The following DPYD variants were observed in gnomAD, a reference collection of about 807,000 sequenced individuals.
The protein encoded by DPYD is dihydropyrimidine dehydrogenase [NADP(+)].
DPYD carries 109 observed loss-of-function variants against 116.2 expected under a neutral mutation model. That is an observed-to-expected ratio of 0.94 (90% confidence interval 0.80 to 1.10). The LOEUF is 1.10. Ranked by LOEUF, DPYD falls within the 50% of genes least tolerant of loss-of-function variation. DPYD has a pLI of 0.00. For synonymous variants in DPYD, 440 were observed against 432.0 expected (o/e 1.02, Z -0.23); for missense variants, 1,302 against 1,254.5 (o/e 1.04, Z -0.57).
intron 1 of DPYD, among the ~76,000 whole-genome samples, chr1:97,887,354 C>T (rs1672548472): frequency 6.7e-6 from 1 of 150,204 alleles, no homozygotes; most frequent in Non-Finnish European, 1.5e-5. Flanking sequence ...CCTGTGGTCT[C>T]AGCTACTCAG....
chr1:97,331,067 T>C (rs182305326), intron 16 of DPYD, among the ~76,000 whole-genome samples: 29 of 152,316 alleles, frequency 1.9e-4, no homozygotes, highest in Non-Finnish European at 2.8e-4. Flanking sequence ...CAGTTCTATA[T>C]AACACAGTAA....
chr1:97,357,368 G>GTTT (rs202122806), intron 16 of DPYD, among the ~76,000 whole-genome samples: 221 of 139,926 alleles, frequency 1.6e-3, no homozygotes, highest in East Asian at 3.3e-3. Flanking sequence ...TTCTAACAGT[G>GTTT]TTTTTTTTTT....
At chr1:97,382,825 T>C (rs1256324055) in intron 14 of DPYD, among the ~76,000 whole-genome samples, 1 of 152,158 alleles carries the variant, frequency 6.6e-6, no homozygotes, top group Non-Finnish European at 1.5e-5. Context: ...TGTCTAATTA[T>C]ACAATGCCAT....
intron 13 of DPYD, among the ~76,000 whole-genome samples, chr1:97,452,796 G>T (rs1676489785): frequency 1.3e-5 from 2 of 151,950 alleles, no homozygotes; most frequent in African/African-American, 4.8e-5. Context: ...CTTCTGCCTT[G>T]ATTGGAAGCT....
At chr1:97,339,267 C>T (rs1046879129) in intron 16 of DPYD, among the ~76,000 whole-genome samples, 1 of 152,010 alleles carries the variant, frequency 6.6e-6, no homozygotes, top group African/African-American at 2.4e-5. Flanking sequence ...ATGGAAATAA[C>T]AGAATAAAAA....
chr1:97,599,374 A>T (rs1655101892), intron 8 of DPYD, among the ~76,000 whole-genome samples: 2 of 152,166 alleles, frequency 1.3e-5, no homozygotes, highest in African/African-American at 4.8e-5. Flanking sequence ...AGTTAACATG[A>T]ACAAGATATT....
intron 20 of DPYD, among the ~76,000 whole-genome samples, chr1:97,173,073 T>C (rs1656853396): frequency 6.6e-6 from 1 of 151,934 alleles, no homozygotes; most frequent in African/African-American, 2.4e-5. Flanking sequence ...AGAATTGGGT[T>C]TGCGTCCGGC....
At chr1:97,426,632 G>A (rs990027803) in intron 14 of DPYD, among the ~76,000 whole-genome samples, 2 of 152,084 alleles carry the variant, frequency 1.3e-5, no homozygotes, top group Non-Finnish European at 2.9e-5. Context: ...AGTGGGGTGG[G>A]ATGAAGGGTA....
At chr1:97,156,695 G>T (rs1021873501) in intron 20 of DPYD, among the ~76,000 whole-genome samples, 1 of 151,854 alleles carries the variant, frequency 6.6e-6, no homozygotes, top group African/African-American at 2.4e-5. Flanking sequence ...CAACCACTGT[G>T]GAAGTCAGTG....
At chr1:97,290,650 T>C (rs953305251) in intron 18 of DPYD, among the ~76,000 whole-genome samples, 3 of 152,164 alleles carry the variant, frequency 2.0e-5, no homozygotes, top group African/African-American at 7.2e-5. Flanking sequence ...AAGCTGAAAC[T>C]GGATCCCTTC....
chr1:97,150,478 C>T (rs1039985190), intron 20 of DPYD, among the ~76,000 whole-genome samples: 3 of 152,144 alleles, frequency 2.0e-5, no homozygotes, highest in Non-Finnish European at 2.9e-5. Context: ...CTCACTATTA[C>T]TATTATTTTC....
At chr1:97,402,518 T>C (rs1165465447) in intron 14 of DPYD, among the ~76,000 whole-genome samples, 1 of 152,112 alleles carries the variant, frequency 6.6e-6, no homozygotes, top group Non-Finnish European at 1.5e-5. Context: ...TATTTTTTGG[T>C]CAATTCTTTC....
At chr1:97,753,805 A>G (rs939851285) in intron 3 of DPYD, among the ~76,000 whole-genome samples, 1 of 152,072 alleles carries the variant, frequency 6.6e-6, no homozygotes, top group South Asian at 2.1e-4. Flanking sequence ...CAGAAATATG[A>G]GGCATAATAG....
chr1:97,355,889 G>T (rs956871680), intron 16 of DPYD, among the ~76,000 whole-genome samples: 2 of 152,208 alleles, frequency 1.3e-5, no homozygotes, highest in Non-Finnish European at 1.5e-5. Flanking sequence ...AAGGAACATA[G>T]ATAGGCATGC....
chr1:97,492,302 C>G (rs1221863317), intron 13 of DPYD, among the ~76,000 whole-genome samples: 1 of 152,108 alleles, frequency 6.6e-6, no homozygotes, highest in Non-Finnish European at 1.5e-5. Context: ...AGCAAACTAC[C>G]TGCACAGCAT....
chr1:97,581,065 G>A (rs1653627675), intron 10 of DPYD, among the ~76,000 whole-genome samples: 1 of 151,932 alleles, frequency 6.6e-6, no homozygotes, highest in Non-Finnish European at 1.5e-5. Context: ...TTGGCCTTTG[G>A]GAGGCCAAGG....
chr1:97,653,774 C>T (rs922160634), intron 8 of DPYD, among the ~76,000 whole-genome samples: 22 of 152,038 alleles, frequency 1.4e-4, no homozygotes, highest in Admixed American at 3.3e-4. Flanking sequence ...TATTTTTGTA[C>T]TAAGTGTTAA....
chr1:97,465,470 G>A (rs1177093656), intron 13 of DPYD, among the ~76,000 whole-genome samples: 1 of 152,162 alleles, frequency 6.6e-6, no homozygotes, highest in African/African-American at 2.4e-5. Context: ...GAATTCCCAT[G>A]TGTTGTGGGA....
chr1:97,587,349 T>G (rs1423789635), intron 10 of DPYD, among the ~76,000 whole-genome samples: 1 of 152,206 alleles, frequency 6.6e-6, no homozygotes, highest in African/African-American at 2.4e-5. Context: ...TCTGATTACC[T>G]TCCATGAAGA....
Sources: allele counts gnomAD v4.1 joint callset (sites outside exome capture counted in the v4.1 genomes callset), GRCh38; gene constraint gnomAD v4.1.1; transcripts MANE v1.5; gene names NCBI Gene and HGNC (gene_info 2026-07-23, HGNC 2026-07-21).